RBFOX2: variants seen among roughly 807,000 people sequenced by gnomAD.
RBFOX2 encodes the protein RNA binding fox-1 homolog 2, also known as RNA binding protein fox-1 homolog 2.
In RBFOX2, 10 loss-of-function variants were observed where a neutral mutation model predicts 49.1. The observed-to-expected ratio is 0.20, with a 90% CI of 0.13 to 0.35. The LOEUF (loss-of-function observed/expected upper bound fraction) is 0.35. Among genes scored for constraint, RBFOX2 ranks in the 10% least tolerant of loss-of-function variants. The pLI, the probability that RBFOX2 is intolerant of heterozygous loss-of-function variation, is 1.00. For missense variants in RBFOX2, 323 were observed against 486.9 expected (o/e 0.66, Z 3.17); for synonymous variants, 183 against 187.4 (o/e 0.98, Z 0.19).
At chr22:35,985,412 G>C (rs2057661200) in intron 1 of RBFOX2, among the ~76,000 whole-genome samples, 1 of 152,114 alleles carries the variant, frequency 6.6e-6, no homozygotes, top group African/African-American at 2.4e-5. Context: ...CACAGGTAGA[G>C]ACTGTGCAAT....
chr22:35,852,863 T>C (rs1191739896), intron 1 of RBFOX2, among the ~76,000 whole-genome samples: 1 of 152,172 alleles, frequency 6.6e-6, no homozygotes, highest in Non-Finnish European at 1.5e-5. Context: ...GTAATTCAAA[T>C]CCTAAAACAA....
chr22:35,750,836 C>A (rs1336478871), intron 9 of RBFOX2, among the ~76,000 whole-genome samples: 1 of 152,232 alleles, frequency 6.6e-6, no homozygotes, highest in Non-Finnish European at 1.5e-5. Context: ...AGGAATTTTA[C>A]TTTTTCACAT....
intron 1 of RBFOX2, among the ~76,000 whole-genome samples, chr22:36,002,410 C>T (rs777442983): frequency 1.4e-4 from 22 of 152,124 alleles, no homozygotes; most frequent in Admixed American, 3.3e-4. Context: ...AAAAACTTAC[C>T]GTGGGATACT....
intron 1 of RBFOX2, among the ~76,000 whole-genome samples, chr22:36,027,974 G>A (rs2059511875): frequency 6.6e-6 from 1 of 152,086 alleles, no homozygotes; most frequent in African/African-American, 2.4e-5. Flanking sequence ...TCTCAACCTT[G>A]TTCGATTTCC....
chr22:35,862,915 G>A (rs189869349), intron 1 of RBFOX2, among the ~76,000 whole-genome samples: 8 of 152,254 alleles, frequency 5.3e-5, no homozygotes, highest in Admixed American at 3.3e-4. Context: ...TGTTATCGGC[G>A]TCATTGCTGT....
At chr22:35,851,995 C>T (rs961479250) in intron 1 of RBFOX2, among the ~76,000 whole-genome samples, 43 of 152,140 alleles carry the variant, frequency 2.8e-4, no homozygotes, top group African/African-American at 9.4e-4. Context: ...ACAGTCAGCC[C>T]TCCTTATCCT....
At chr22:35,970,949 C>G (rs2056838326) in intron 1 of RBFOX2, among the ~76,000 whole-genome samples, 1 of 152,122 alleles carries the variant, frequency 6.6e-6, no homozygotes, top group African/African-American at 2.4e-5. Context: ...CAGGCATACC[C>G]TCAGTCTAAC....
chr22:36,008,050 T>C (rs1311328851), intron 1 of RBFOX2, among the ~76,000 whole-genome samples: 1 of 152,316 alleles, frequency 6.6e-6, no homozygotes, highest in South Asian at 2.1e-4. Flanking sequence ...AGTGGAACTG[T>C]TGAGTCAAAG....
intron 1 of RBFOX2, among the ~76,000 whole-genome samples, chr22:35,929,376 AAC>A (rs2052075779): frequency 1.3e-5 from 2 of 152,144 alleles, no homozygotes; most frequent in Admixed American, 6.5e-5. Context: ...AAAGTATGTC[AAC>A]ACACAGATTT....
chr22:35,994,611 GC>G (rs1456098166), intron 1 of RBFOX2: 2 of 151,992 alleles, frequency 1.3e-5, no homozygotes, highest in Non-Finnish European at 1.5e-5. Flanking sequence ...TCTCTATGTT[GC>G]CCAAGCTGGT....
intron 1 of RBFOX2, among the ~76,000 whole-genome samples, chr22:35,830,046 T>C (rs1277886684): frequency 1.3e-5 from 2 of 152,230 alleles, no homozygotes; most frequent in East Asian, 3.8e-4. Flanking sequence ...AAACTACATG[T>C]GTGCTAAGTA....
At chr22:35,990,058 C>T (rs546723144) in intron 1 of RBFOX2, among the ~76,000 whole-genome samples, 12 of 152,134 alleles carry the variant, frequency 7.9e-5, no homozygotes, top group Non-Finnish European at 1.8e-4. Flanking sequence ...TAGCACACAC[C>T]TGTAATTCCA....
chr22:35,861,239 C>A (rs1014257504), intron 1 of RBFOX2, among the ~76,000 whole-genome samples: 2 of 152,096 alleles, frequency 1.3e-5, no homozygotes, highest in African/African-American at 2.4e-5. Flanking sequence ...CTTCTGTGAC[C>A]TTGGATTAGG....
chr22:35,810,054 G>T, intron 1 of RBFOX2, 50 bp from the exon 3 acceptor site: 2 of 1,558,106 alleles, frequency 1.3e-6, no homozygotes, highest in Non-Finnish European at 1.8e-6. Context: ...TCCTTGTTAC[G>T]TAACTATTTT....
At chr22:35,768,872 G>A (rs961661203) in intron 4 of RBFOX2, among the ~76,000 whole-genome samples, 6 of 151,984 alleles carry the variant, frequency 3.9e-5, no homozygotes, top group Admixed American at 6.6e-5. Flanking sequence ...AATCATTTTA[G>A]CCCCACGTTG....
At position 35,958,977 on chromosome 22, in the gene RBFOX2, T is replaced by TA. The variant is rs755064541; in HGVS notation, c.42+2585_42+2586insT. On this transcript the variant is annotated intron_variant, in intron 1 of 5. Coordinates refer to the RBFOX2 transcript ENST00000408983. ...GAGAAAACTATATATATATATATAT[T>TA]GTGTAAAGCTTAGTTTTCTGCAAGT... Among the ~76,000 whole-genome samples, 187 of 151,070 alleles carry TA rather than the reference T, an allele frequency of 1.2e-3. 3 individuals are homozygous for TA. The highest frequency in any genetic ancestry group is 4.3e-3 in the African/African-American group (176 of 40,978).
At chr22:35,882,438 TCAAATATAAA>T (rs2046027293) in intron 1 of RBFOX2, among the ~76,000 whole-genome samples, 1 of 152,098 alleles carries the variant, frequency 6.6e-6, no homozygotes, top group Non-Finnish European at 1.5e-5. Flanking sequence ...TCAGATATAA[TCAAATATAAA>T]CAACGCTACT....
At chr22:35,758,208 T>C (rs186931506) in intron 9 of RBFOX2, among the ~76,000 whole-genome samples, 62 of 152,324 alleles carry the variant, frequency 4.1e-4, no homozygotes, top group Admixed American at 3.9e-3. Flanking sequence ...TTCAATGTAA[T>C]GCACAGAAAT....
rs917049496 is a variant in RBFOX2, at chr22:35,746,508, G to A, written c.941C>T (p.Pro314Leu). 27 of 1,609,748 alleles carry A rather than the reference G, an allele frequency of 1.7e-5. No homozygotes were observed. The highest frequency in any genetic ancestry group is 3.3e-4 in the Middle Eastern group (2 of 6,048). ...AAGCGGCTGCAGCGGCTGCAGCAGC[G>A]GTGGCTGCGGTTGCAGTAGCAGGCT... Residue 314 changes from proline (P) to leucine (L), a missense_variant, in exon 10 of 12, where the codon CCG (proline) becomes CTG (leucine). Pro to Leu is a moderately conservative substitution (Grantham distance 98). Transcript: ENST00000405409.
Sources: gnomAD v4.1 joint callset for allele counts (sites outside exome capture counted in the v4.1 genomes callset) on GRCh38, gnomAD v4.1.1 for gene constraint, MANE v1.5 for transcripts, NCBI Gene and HGNC (gene_info 2026-07-23, HGNC 2026-07-21) for gene names.